The following SAMSN1 variants were observed in gnomAD, a reference collection of about 807,000 sequenced individuals.
SAMSN1 encodes SAM domain, SH3 domain and nuclear localization signals 1, also known as SAM domain-containing protein SAMSN-1.
A neutral mutation model predicts 42.0 loss-of-function variants in SAMSN1; 31 were observed. That is an observed-to-expected ratio of 0.74 (90% CI 0.55 to 1.00). The LOEUF (loss-of-function observed/expected upper bound fraction) is 1.00. Ranked by LOEUF, SAMSN1 falls within the 50% of genes least tolerant of loss-of-function variation. The probability of loss-of-function intolerance (pLI) is 0.00; values close to 1 mark genes in which losing one functional copy is unlikely to be tolerated. For missense variants in SAMSN1, 464 were observed against 439.4 expected, an observed-to-expected ratio of 1.06 and a Z score of -0.50; for synonymous variants, 178 against 151.9, an observed-to-expected ratio of 1.17 and a Z score of -1.26.
At chr21:14,526,515 A>G (rs1214897708) in intron 1 of SAMSN1, among the ~76,000 whole-genome samples, 1 of 152,210 alleles carries the variant, frequency 6.6e-6, no homozygotes, top group Non-Finnish European at 1.5e-5. Context: ...TTTTTTTATT[A>G]GTACCTCTCC....
intron 1 of SAMSN1, among the ~76,000 whole-genome samples, chr21:14,540,919 G>A (rs1049631913): frequency 3.3e-5 from 5 of 152,198 alleles, no homozygotes; most frequent in Non-Finnish European, 7.3e-5. Flanking sequence ...TTAAGAAAAT[G>A]TGGCACATAC....
intron 6 of SAMSN1, 97 bp from the exon 7 acceptor site, chr21:14,498,689 A>T (rs896048822): frequency 3.3e-6 from 3 of 919,102 alleles, no homozygotes; most frequent in Non-Finnish European, 4.7e-6. Flanking sequence ...GCACATGGGG[A>T]CCAAAGGTGC....
chr21:14,546,183 A>C, intron 1 of SAMSN1, 22 bp downstream of exon 1: 1 of 1,589,172 alleles, frequency 6.3e-7, no homozygotes, highest in Non-Finnish European at 8.6e-7. Flanking sequence ...ATTTTATTTA[A>C]CTATGTATGA....
intron 5 of SAMSN1, among the ~76,000 whole-genome samples, chr21:14,507,912 G>A (rs971797222): frequency 5.3e-5 from 8 of 151,300 alleles, no homozygotes; most frequent in African/African-American, 1.7e-4. Flanking sequence ...CATACTTAAC[G>A]GCCAACTGAT....
At chr21:14,652,073 G>T (rs1469499220) in intron 1 of SAMSN1, among the ~76,000 whole-genome samples, 1 of 135,568 alleles carries the variant, frequency 7.4e-6, no homozygotes, top group Non-Finnish European at 1.6e-5. Flanking sequence ...AATAATATAG[G>T]TTCATGGATT....
intron 5 of SAMSN1, among the ~76,000 whole-genome samples, chr21:14,604,044 G>A (rs1982505376): frequency 1.3e-5 from 2 of 152,220 alleles, no homozygotes; most frequent in South Asian, 2.1e-4. Context: ...AGCCCCTGCT[G>A]TAAAAAATGG....
chr21:14,575,806 T>C (rs1981440999), intron 2 of SAMSN1, among the ~76,000 whole-genome samples: 1 of 152,174 alleles, frequency 6.6e-6, no homozygotes, highest in African/African-American at 2.4e-5. Context: ...CCGTGAATTG[T>C]TTTTCCTTTT....
At chr21:14,492,249 T>C (rs1264661160) in intron 7 of SAMSN1, among the ~76,000 whole-genome samples, 1 of 152,224 alleles carries the variant, frequency 6.6e-6, no homozygotes, top group Non-Finnish European at 1.5e-5. Flanking sequence ...AAAATGTACT[T>C]ATTTACACTC....
chr21:14,546,172 G>A, intron 1 of SAMSN1, 33 bp downstream of exon 1: 20 of 1,561,678 alleles, frequency 1.3e-5, no homozygotes, highest in Non-Finnish European at 1.8e-5. Flanking sequence ...TAAATAGTTT[G>A]ATTTTATTTA....
At chr21:14,552,291 T>C (rs567415810) in intron 2 of SAMSN1, among the ~76,000 whole-genome samples, 2 of 152,216 alleles carry the variant, frequency 1.3e-5, no homozygotes, top group Non-Finnish European at 2.9e-5. Flanking sequence ...AAATGAGACT[T>C]ATGCACACTT....
intron 7 of SAMSN1, 91 bp downstream of exon 7, chr21:14,498,351 G>C: frequency 9.0e-7 from 1 of 1,114,306 alleles, no homozygotes; most frequent in African/African-American, 1.6e-5. Context: ...CATGATCTCA[G>C]TAAATAAAAC....
chr21:14,636,761 G>A (rs1319501415), intron 2 of SAMSN1, among the ~76,000 whole-genome samples: 4 of 152,162 alleles, frequency 2.6e-5, no homozygotes, highest in African/African-American at 4.8e-5. Context: ...AGGCGGTGGC[G>A]GGGTTGGGGG....
At position 14,643,670 on chromosome 21, in the gene SAMSN1, C is replaced by T. The variant is rs377415204; in HGVS notation, c.25-537G>A. ...CTCCACAATAAGGACACCAAGTTAA[C>T]AACTATCTACACAGAAAAACAACAC... On this transcript the variant is annotated intron_variant, in intron 1 of 15. Coordinates refer to the SAMSN1 transcript ENST00000647101. Among the ~76,000 whole-genome samples, 16 of 152,260 alleles carry T rather than the reference C, an allele frequency of 1.1e-4. No homozygotes were observed. In the South Asian group the frequency reaches 3.3e-3, roughly 32 times the overall value.
At chr21:14,486,726 A>G (rs888192737) in intron 7 of SAMSN1, among the ~76,000 whole-genome samples, 3 of 152,322 alleles carry the variant, frequency 2.0e-5, no homozygotes, top group Admixed American at 6.5e-5. Context: ...TTTAGAAAGT[A>G]AAACACCAAA....
intron 7 of SAMSN1, among the ~76,000 whole-genome samples, chr21:14,588,935 T>G (rs1370318272): frequency 6.6e-6 from 1 of 152,186 alleles, no homozygotes; most frequent in Non-Finnish European, 1.5e-5. Flanking sequence ...ATGGTAATTA[T>G]ATGTTAATGT....
intron 4 of SAMSN1, among the ~76,000 whole-genome samples, chr21:14,612,226 C>A (rs1391320317): frequency 6.6e-6 from 1 of 152,140 alleles, no homozygotes; most frequent in Non-Finnish European, 1.5e-5. Context: ...GAGTGAGACT[C>A]CGTCTTAAAA....
Position 14,536,243 on chromosome 21 carries a change from A to C in SAMSN1, c.57+9962T>G, listed in dbSNP as rs73161242. Among the ~76,000 whole-genome samples, 149 of 152,360 alleles carry C rather than the reference A, an allele frequency of 9.8e-4. No homozygotes were observed. In the Middle Eastern group the frequency reaches 0.014, roughly 14 times the overall value. ...TATTGTAAAAACAAACAAACAAAAA[A>C]AAACACAGTTTTCAGGGATTTTGAA... On this transcript the variant is annotated intron_variant, in intron 1 of 7. Coordinates refer to ENST00000400566, the MANE Select transcript of SAMSN1 (RefSeq NM_022136.5).
chr21:14,564,938 A>C (rs1981061128), intron 2 of SAMSN1, among the ~76,000 whole-genome samples: 1 of 152,106 alleles, frequency 6.6e-6, no homozygotes, highest in Non-Finnish European at 1.5e-5. Context: ...GAAGCAACTG[A>C]AATTGAGCAG....
At chr21:14,649,163 A>G (rs1490874721) in intron 1 of SAMSN1, among the ~76,000 whole-genome samples, 1 of 151,824 alleles carries the variant, frequency 6.6e-6, no homozygotes, top group Non-Finnish European at 1.5e-5. Context: ...AGTAAAAACT[A>G]TCACAAGAAC....
Sources: gnomAD v4.1 joint callset for allele counts (sites outside exome capture counted in the v4.1 genomes callset) on GRCh38, gnomAD v4.1.1 for gene constraint, MANE v1.5 for transcripts, NCBI Gene and HGNC (gene_info 2026-07-23, HGNC 2026-07-21) for gene names.